PTTG1: variants seen among roughly 807,000 people sequenced by gnomAD.
The protein encoded by PTTG1 is PTTG1 regulator of sister chromatid separation, securin, also known as securin.
PTTG1 carries 8 observed loss-of-function variants against 20.0 expected under a neutral mutation model. The ratio of observed to expected loss-of-function variants is 0.40; its 90% CI spans 0.23 to 0.72. The LOEUF (loss-of-function observed/expected upper bound fraction) is 0.72. Ranked by LOEUF, PTTG1 falls within the 30% of genes least tolerant of loss-of-function variation. PTTG1 has a pLI of 0.38. For synonymous variants in PTTG1, 79 were observed against 87.2 expected (o/e 0.91, Z 0.52); for missense variants, 197 against 236.0 (o/e 0.83, Z 1.08).
At chr5:160,424,367 CT>C (rs1489582405) in intron 4 of PTTG1, 37 bp downstream of exon 4, 1 of 1,417,396 alleles carries the variant, frequency 7.1e-7, no homozygotes, top group African/African-American at 1.4e-5. Flanking sequence ...TGCTTTTGGC[CT>C]TTAGTTTCTT....
chr5:160,428,705 T>A lies in PTTG1; in HGVS notation c.*24T>A. On this transcript the variant is annotated 3_prime_UTR_variant, in exon 6 of 6. Transcript: ENST00000352433. ...AAATTTCTTAGTGCTTCAGAGTTTG[T>A]GTGTATTTGTATTAATAAAGCATTC... 6.3e-7 allele frequency: 1 copy of A among 1,583,692 alleles called. No individual in the cohort carries two copies. The highest frequency in any genetic ancestry group is 8.7e-7 in the Non-Finnish European group (1 of 1,152,504).
chr5:160,428,388 A>G (rs1425962920), intron 5 of PTTG1, among the ~76,000 whole-genome samples: 1 of 152,236 alleles, frequency 6.6e-6, no homozygotes, highest in Non-Finnish European at 1.5e-5. Context: ...CTCTAAGAAC[A>G]ATAGAGATTC....
At chr5:160,427,926 A>T in intron 5 of PTTG1, 53 bp downstream of exon 5, 1 of 1,602,262 alleles carries the variant, frequency 6.2e-7, no homozygotes, top group South Asian at 1.1e-5. Flanking sequence ...GTTTCATAAC[A>T]CTTCCATTAC....
At position 160,424,274 on chromosome 5, in the gene PTTG1, C is replaced by T. The variant is rs1421466979; in HGVS notation, c.314C>T (p.Pro105Leu). The T allele has an allele frequency of 2.5e-6, 4 of 1,612,812 alleles. No individual in the cohort carries two copies. Among genetic ancestry groups the T allele is most frequent in the Non-Finnish European group, 3.4e-6 (4 of 1,179,076 alleles). The change falls in exon 4 of 6, where the codon CCT (proline) becomes CTT (leucine). Residue 105 changes from proline to leucine, a missense_variant. Coordinates refer to ENST00000352433, the MANE Select transcript of PTTG1 (RefSeq NM_004219.4). Reference sequence around the variant, plus strand: ...ACTGTTAAAGCAAAAAGCTCTGTTCCTGCCTCAGATGATGCCTATCCAGAA... The same window carrying T: ...ACTGTTAAAGCAAAAAGCTCTGTTCTTGCCTCAGATGATGCCTATCCAGAA... The part of the protein sequence containing the change: ...EKTVKAKSSV[P>L]ASDDAYPEIE...
chr5:160,422,328 T>C lies in PTTG1; in HGVS notation c.16T>C (p.Tyr6His). 1 of 1,613,810 alleles carries C rather than the reference T, an allele frequency of 6.2e-7. No homozygotes were observed. The highest frequency in any genetic ancestry group is 8.5e-7 in the Non-Finnish European group (1 of 1,179,800). MATLIYVDKENGEPGT... is the reference protein window; with the variant it reads MATLIHVDKENGEPGT... ...ATAATCCAGAATGGCTACTCTGATCTATGTTGATAAGGAAAATGGAGAACC... is the reference window on the plus strand; with the variant it reads ...ATAATCCAGAATGGCTACTCTGATCCATGTTGATAAGGAAAATGGAGAACC... The change falls in exon 2 of 6, where the codon TAT becomes CAT. Residue 6 changes from tyrosine (Y) to histidine (H), a missense_variant. Coordinates refer to ENST00000352433, the MANE Select transcript of PTTG1 (RefSeq NM_004219.4).
At chr5:160,424,385 C>A in intron 4 of PTTG1, 55 bp downstream of exon 4, 2 of 1,252,586 alleles carry the variant, frequency 1.6e-6, no homozygotes, top group South Asian at 1.3e-5. Flanking sequence ...TCTTAGTATT[C>A]AGCTCAGCTG....
intron 5 of PTTG1, 139 bp from the exon 6 acceptor site, chr5:160,428,463 A>G: frequency 1.4e-6 from 1 of 725,774 alleles, no homozygotes; most frequent in Non-Finnish European, 2.4e-6. Flanking sequence ...ATTCCAAAAA[A>G]TGTGTCAGGA....
At chr5:160,422,512 C>T (rs1324559887) in intron 2 of PTTG1, 109 bp downstream of exon 2, 2 of 751,856 alleles carry the variant, frequency 2.7e-6, no homozygotes, top group South Asian at 1.4e-5. Flanking sequence ...TGTTATTGGT[C>T]CTTTTTCATT....
intron 3 of PTTG1, 88 bp downstream of exon 3, chr5:160,422,981 TTCCC>T: frequency 7.1e-7 from 1 of 1,403,204 alleles, no homozygotes; most frequent in Non-Finnish European, 9.9e-7. Flanking sequence ...CGTAGCTTTC[TTCCC>T]TCTGAGTAGA....
chr5:160,423,599 C>T (rs956384867), intron 3 of PTTG1, among the ~76,000 whole-genome samples: 1 of 152,140 alleles, frequency 6.6e-6, no homozygotes, highest in Non-Finnish European at 1.5e-5. Context: ...AAAGACATGG[C>T]AAAAACAATG....
At position 160,427,791 on chromosome 5, in the gene PTTG1, TGAC is replaced by T. The variant is rs1464661624; in HGVS notation, c.450_452del (p.Asp150del). 1.2e-6 allele frequency: 2 copies of T among 1,614,148 alleles called. No homozygotes were observed. Among genetic ancestry groups the T allele is most frequent in the Non-Finnish European group, 8.5e-7 (1 of 1,180,028 alleles). On this transcript the variant is annotated inframe_deletion, in exon 5 of 6. Transcript: ENST00000352433. Reference sequence around the variant, plus strand: ...TGAGTGGAGTGCCTCTCATGATCCTTGACGAGGAGAGAGAGCTTGAAAAGCTGT... The same window carrying T: ...TGAGTGGAGTGCCTCTCATGATCCTTGAGGAGAGAGAGCTTGAAAAGCTGT...
At chr5:160,424,417 T>C in intron 4 of PTTG1, 87 bp downstream of exon 4, 5 of 955,358 alleles carry the variant, frequency 5.2e-6, no homozygotes, top group Non-Finnish European at 6.4e-6. Flanking sequence ...GAATATAATA[T>C]ATGACCAAAA....
At chr5:160,423,276 T>A (rs1765751285) in intron 3 of PTTG1, among the ~76,000 whole-genome samples, 1 of 152,216 alleles carries the variant, frequency 6.6e-6, no homozygotes, top group African/African-American at 2.4e-5. Flanking sequence ...GTTCTGTTGC[T>A]GCTTTAATAG....
At chr5:160,427,679 T>C in intron 4 of PTTG1, 36 bp from the exon 5 acceptor site, 1 of 1,604,892 alleles carries the variant, frequency 6.2e-7, no homozygotes, top group African/African-American at 1.3e-5. Flanking sequence ...CACTAAGAAC[T>C]GCTGCCCTGA....
chr5:160,423,542 T>A (rs1301910500), intron 3 of PTTG1, among the ~76,000 whole-genome samples: 1 of 152,212 alleles, frequency 6.6e-6, no homozygotes, highest in East Asian at 1.9e-4. Flanking sequence ...GATGTCTTCT[T>A]TAAAAAGTGA....
intron 4 of PTTG1, among the ~76,000 whole-genome samples, chr5:160,426,973 C>G (rs1424936782): frequency 3.9e-5 from 6 of 152,074 alleles, no homozygotes; most frequent in Non-Finnish European, 8.8e-5. Context: ...ACCCAGGAGG[C>G]AGAGGTTGCA....
At chr5:160,428,451 A>G (rs1400213204) in intron 5 of PTTG1, 151 bp from the exon 6 acceptor site, 6 of 683,118 alleles carry the variant, frequency 8.8e-6, no homozygotes, top group Admixed American at 2.5e-5. Flanking sequence ...GGCCACAGAC[A>G]CATTCCAAAA....
At chr5:160,427,683 G>A (rs1383887751) in intron 4 of PTTG1, 32 bp from the exon 5 acceptor site, 1 of 1,606,762 alleles carries the variant, frequency 6.2e-7, no homozygotes, top group Non-Finnish European at 8.5e-7. Context: ...AAGAACTGCT[G>A]CCCTGACAAA....
At chr5:160,427,978 C>T in intron 5 of PTTG1, 105 bp downstream of exon 5, 1 of 1,379,970 alleles carries the variant, frequency 7.2e-7, no homozygotes, top group Non-Finnish European at 1.0e-6. Context: ...TGAGTAATTT[C>T]TGTCCTTCAA....
Sources: gnomAD v4.1 joint callset for allele counts (sites outside exome capture counted in the v4.1 genomes callset) on GRCh38, gnomAD v4.1.1 for gene constraint, MANE v1.5 for transcripts, NCBI Gene and HGNC (gene_info 2026-07-23, HGNC 2026-07-21) for gene names.